Variants in DHX35 observed in about 807,000 individuals in gnomAD.
The protein encoded by DHX35 is probable ATP-dependent RNA helicase DHX35.
In DHX35, 84 loss-of-function variants were observed where a neutral mutation model predicts 99.6. That is an observed-to-expected ratio of 0.84 (90% CI 0.71 to 1.01). The LOEUF (loss-of-function observed/expected upper bound fraction) is 1.01, where lower values mean the gene tolerates loss of function less well. DHX35 is among the 50% of genes least tolerant of loss of function. The probability of loss-of-function intolerance (pLI) is 0.00; values close to 1 mark genes in which losing one functional copy is unlikely to be tolerated. For synonymous variants in DHX35, 331 were observed against 316.2 expected (o/e 1.05, Z -0.50); for missense variants, 852 against 888.5 (o/e 0.96, Z 0.52).
At chr20:38,971,832 T>C (rs73908220) in intron 2 of DHX35, among the ~76,000 whole-genome samples, 3,090 of 152,194 alleles carry the variant, frequency 0.02, 116 homozygotes, top group African/African-American at 0.071. Context: ...TATTCCATTA[T>C]TGGAATATTT....
chr20:38,967,825 T>C (rs1366642394), intron 1 of DHX35, among the ~76,000 whole-genome samples: 1 of 152,132 alleles, frequency 6.6e-6, no homozygotes, highest in East Asian at 1.9e-4. Context: ...ATGGGGACTG[T>C]CATTTACCTC....
intron 4 of DHX35, among the ~76,000 whole-genome samples, chr20:38,988,378 C>G (rs1393018347): frequency 6.6e-6 from 1 of 152,120 alleles, no homozygotes; most frequent in Non-Finnish European, 1.5e-5. Flanking sequence ...GCCTGTAATC[C>G]CTGTACTTTG....
chr20:38,997,143 T>A (rs1252350943), intron 8 of DHX35, among the ~76,000 whole-genome samples: 1 of 152,114 alleles, frequency 6.6e-6, no homozygotes, highest in Non-Finnish European at 1.5e-5. Flanking sequence ...TGATCTCAGC[T>A]CACTGCAACC....
intron 3 of DHX35, among the ~76,000 whole-genome samples, chr20:38,983,249 A>G (rs192581574): frequency 3.3e-5 from 5 of 152,318 alleles, no homozygotes; most frequent in Admixed American, 2.6e-4. Flanking sequence ...TACTAATCTA[A>G]TGGTGTATAG....
chr20:38,985,490 AG>A (rs1438723758), intron 4 of DHX35, among the ~76,000 whole-genome samples: 1 of 151,150 alleles, frequency 6.6e-6, no homozygotes, highest in Non-Finnish European at 1.5e-5. Context: ...TTCTGTACTG[AG>A]TTTTAATTAT....
chr20:38,992,069 T>G (rs2086347627), intron 6 of DHX35, among the ~76,000 whole-genome samples: 1 of 152,206 alleles, frequency 6.6e-6, no homozygotes, highest in Non-Finnish European at 1.5e-5. Context: ...GGTTATAGGT[T>G]GGTTATGTTT....
At chr20:39,022,369 G>A (rs2086887598) in intron 16 of DHX35, among the ~76,000 whole-genome samples, 1 of 152,116 alleles carries the variant, frequency 6.6e-6, no homozygotes, top group Admixed American at 6.5e-5. Context: ...ATATTGGCCA[G>A]GCCGGTCTCG....
In DHX35 at chr20:39,003,763, T is replaced by C; in HGVS notation, c.867T>C (p.Thr289=). The C allele has an allele frequency of 6.2e-7, 1 of 1,613,840 alleles. No individual in the cohort carries two copies. Among genetic ancestry groups the C allele is most frequent in the Non-Finnish European group, 8.5e-7 (1 of 1,179,762 alleles). The change falls in exon 11 of 22, where the codon ACT becomes ACC. Residue 289 remains threonine (T), a synonymous_variant. Transcript: ENST00000252011. ...AACGTCTTTAGGAAGAGGTAGAAACTGTTGTGTCGATGCTCATCGAGCAGG... is the reference window on the plus strand; with the variant it reads ...AACGTCTTTAGGAAGAGGTAGAAACCGTTGTGTCGATGCTCATCGAGCAGG... ...AFLTGQEEVE[T]VVSMLIEQAR... is the part of the protein sequence containing the mutation.
At chr20:39,002,714 T>C in intron 9 of DHX35, 58 bp from the exon 10 acceptor site, 6 of 1,480,030 alleles carry the variant, frequency 4.1e-6, no homozygotes, top group Non-Finnish European at 5.6e-6. Context: ...ATTAGGGTAA[T>C]TGATCTGTAA....
intron 3 of DHX35, chr20:38,978,140 T>G (rs1480486512): frequency 1.4e-5 from 11 of 800,634 alleles, no homozygotes; most frequent in Non-Finnish European, 2.5e-5. Flanking sequence ...ACCGGTGGTA[T>G]TATTTCAAAG....
At chr20:39,017,162 CTTACAT>C (rs772465573) in intron 14 of DHX35, among the ~76,000 whole-genome samples, 14 of 152,154 alleles carry the variant, frequency 9.2e-5, no homozygotes, top group Non-Finnish European at 1.9e-4. Flanking sequence ...AGTTTTGGCC[CTTACAT>C]TAGGTCTGAT....
intron 20 of DHX35, among the ~76,000 whole-genome samples, chr20:39,031,090 A>T (rs186932896): frequency 6.6e-6 from 1 of 151,960 alleles, no homozygotes; most frequent in Non-Finnish European, 1.5e-5. Flanking sequence ...TGAACCTGGG[A>T]GGCAGAGGTT....
chr20:39,023,925 G>A (rs557864019), intron 17 of DHX35, among the ~76,000 whole-genome samples, 158 bp downstream of exon 17: 5 of 152,274 alleles, frequency 3.3e-5, no homozygotes, highest in Admixed American at 2.6e-4. Flanking sequence ...CTGGTGGGTC[G>A]GGCTTTCTGC....
In DHX35 at chr20:39,038,412, G is replaced by A. The variant is rs771663664; in HGVS notation, c.2068-87G>A. The A allele has an allele frequency of 9.3e-6, 13 of 1,400,446 alleles. No individual in the cohort carries two copies. In the East Asian group the frequency reaches 1.4e-4, roughly 15 times the overall value. The allele number at this position is 1,400,446 out of a possible 1,614,324, so 86.8% of individuals were successfully genotyped here. On this transcript the variant is annotated intron_variant, in intron 21 of 21. Coordinates refer to ENST00000252011, the MANE Select transcript of DHX35 (RefSeq NM_021931.4). ...AAGGTGTGGACCAGATGGAAGATTTGATGTGGTCATTCATATGGGGATTAT... is the reference window on the plus strand; with the variant it reads ...AAGGTGTGGACCAGATGGAAGATTTAATGTGGTCATTCATATGGGGATTAT...
At position 38,962,379 on chromosome 20, in the gene DHX35, C is replaced by G; in HGVS notation, c.12C>G (p.Pro4=). MAA[P]VGPVKFWRPG... is the part of the protein sequence containing the mutation. ...CCTTTTACCCCAACATGGCTGCGCC[C>G]GTGGGACCGGTGAAGTTCTGGCGAC... Residue 4 remains proline, a synonymous_variant, in exon 1 of 22, where the codon CCC becomes CCG. Transcript: ENST00000252011. 1.2e-6 allele frequency: 2 copies of G among 1,612,820 alleles called. No individual in the cohort carries two copies. The highest frequency in any genetic ancestry group is 1.3e-5 in the African/African-American group (1 of 75,014).
chr20:38,963,777 A>G (rs993593219), intron 1 of DHX35, among the ~76,000 whole-genome samples: 1 of 152,222 alleles, frequency 6.6e-6, no homozygotes, highest in Non-Finnish European at 1.5e-5. Context: ...ACAAATACAG[A>G]TGCTCAGGGC....
chr20:38,978,891 G>T (rs563237891), intron 3 of DHX35, among the ~76,000 whole-genome samples: 1 of 152,220 alleles, frequency 6.6e-6, no homozygotes, highest in East Asian at 1.9e-4. Flanking sequence ...TAGGGAACTG[G>T]TTTCATTTTT....
In DHX35 at chr20:39,006,335, A is replaced by G; in HGVS notation, c.1201A>G (p.Lys401Glu). Residue 401 changes from lysine to glutamate, a missense_variant, in exon 12 of 22, where the codon AAA becomes GAA. Coordinates refer to ENST00000252011, the MANE Select transcript of DHX35 (RefSeq NM_021931.4). The stretch of plus-strand genomic sequence containing the variant: ...ACGTGGTGGTCGTAGTCGCTCGGGA[A>G]AATGTTATCGCCTTTATACAGGTTA... Reference protein sequence around the residue: ...AGRGGRSRSGKCYRLYTEEAF... With the variant: ...AGRGGRSRSGECYRLYTEEAF... 1.2e-6 allele frequency: 2 copies of G among 1,614,122 alleles called. No homozygotes were observed. Among genetic ancestry groups the G allele is most frequent in the Non-Finnish European group, 1.7e-6 (2 of 1,180,018 alleles).
chr20:38,977,500 A>G (rs377435613), intron 3 of DHX35, among the ~76,000 whole-genome samples: 1 of 152,036 alleles, frequency 6.6e-6, no homozygotes, highest in Admixed American at 6.6e-5. Context: ...TCTCCCCACC[A>G]TTTCCATGTC....
Sources: gnomAD v4.1 joint callset for allele counts (sites outside exome capture counted in the v4.1 genomes callset) on GRCh38, gnomAD v4.1.1 for gene constraint, MANE v1.5 for transcripts, NCBI Gene and HGNC (gene_info 2026-07-23, HGNC 2026-07-21) for gene names.